FAM78A: variants seen among roughly 807,000 people sequenced by gnomAD.
The protein encoded by FAM78A is family with sequence similarity 78 member A.
A neutral mutation model predicts 22.6 loss-of-function variants in FAM78A; 12 were observed. The observed-to-expected ratio is 0.53, with a 90% CI of 0.34 to 0.86. The LOEUF (loss-of-function observed/expected upper bound fraction) is 0.86. Ranked by LOEUF, FAM78A falls within the 40% of genes least tolerant of loss-of-function variation. The pLI, the probability that FAM78A is intolerant of heterozygous loss-of-function variation, is 0.02. For missense variants in FAM78A, 322 were observed against 396.1 expected (o/e 0.81, Z 1.59); for synonymous variants, 151 against 155.8 (o/e 0.97, Z 0.23).
At position 131,260,025 on chromosome 9, in the gene FAM78A, T is replaced by A. The variant is rs1588195356; in HGVS notation, c.*797A>T. 1.3e-5 allele frequency: 2 copies of A among 152,746 alleles called. No individual in the cohort carries two copies. Among genetic ancestry groups the A allele is most frequent in the Admixed American group, 6.5e-5 (1 of 15,298 alleles). 9.5% of individuals were successfully genotyped at this position (152,746 alleles called of 1,614,324 possible). ...ACCCCCCGCCAGAGCTCACAGCCCC[T>A]CTCCGCAGGTGCAGGGATACGACCT... is the stretch of plus-strand genomic sequence containing the variant. On this transcript the variant is annotated 3_prime_UTR_variant, in exon 2 of 2. Transcript: ENST00000372271. The surrounding 1 kb of genome is among the most constrained non-coding windows in gnomAD (Gnocchi z 5.4).
At position 131,261,251 on chromosome 9, in the gene FAM78A, G is replaced by C. The variant is rs760131990; in HGVS notation, c.423C>G (p.Thr141=). 6.2e-7 allele frequency: 1 copy of C among 1,612,688 alleles called. No homozygotes were observed. The highest frequency in any genetic ancestry group is 8.5e-7 in the Non-Finnish European group (1 of 1,179,990). The stretch of plus-strand genomic sequence containing the variant: ...TCTTGGTGGGGCCCACGATGGTGCA[G>C]GTCTCTGTGGTGTTGCCGTACCAGG... ...NYPWYGNTTE[T]CTIVGPTKRD... The change falls in exon 2 of 2, where the codon ACC becomes ACG. Residue 141 remains threonine (T), a synonymous_variant. Coordinates refer to ENST00000372271, the MANE Select transcript of FAM78A (RefSeq NM_033387.4). The surrounding 1 kb of genome is among the most constrained non-coding windows in gnomAD (Gnocchi z 7.1).
intron 1 of FAM78A, among the ~76,000 whole-genome samples, chr9:131,269,342 T>C (rs1038255061): frequency 1.3e-5 from 2 of 152,202 alleles, no homozygotes; most frequent in African/African-American, 4.8e-5. Context: ...ATTTCCCCAC[T>C]TGTCTTCATC....
At position 131,258,387 on chromosome 9, in the gene FAM78A, C is replaced by T. The variant is rs556197153; in HGVS notation, c.*2435G>A. On this transcript the variant is annotated 3_prime_UTR_variant, in exon 2 of 2. Transcript: ENST00000372271. ...CGGGGCTCAGCTGAGCGTCCGTGGC[C>T]GGACCTGCAGCCTCTCCAGGGTGTT... 2 of 152,124 alleles carry T rather than the reference C, an allele frequency of 1.3e-5. No individual in the cohort carries two copies. Among genetic ancestry groups the T allele is most frequent in the African/African-American group, 2.4e-5 (1 of 41,328 alleles). The allele number at this position is 152,124 out of a possible 1,614,324, so 9.4% of individuals were successfully genotyped here.
At position 131,259,296 on chromosome 9, in the gene FAM78A, G is replaced by C. The variant is rs1440356747; in HGVS notation, c.*1526C>G. On this transcript the variant is annotated 3_prime_UTR_variant, in exon 2 of 2. Coordinates refer to ENST00000372271, the MANE Select transcript of FAM78A (RefSeq NM_033387.4). ...CCCTGGCACAATGGGTCAGGACTAA[G>C]TAAGCCCTGGAGCTCCAGTGACCTG... 6.6e-6 allele frequency: 1 copy of C among 152,472 alleles called. No individual in the cohort carries two copies. Among genetic ancestry groups the C allele is most frequent in the African/African-American group, 2.4e-5 (1 of 41,454 alleles). 9.4% of individuals were successfully genotyped at this position (152,472 alleles called of 1,614,324 possible).
chr9:131,274,632 T>C lies in FAM78A; in HGVS notation c.323+1225A>G, dbSNP rs1041557266. On this transcript the variant is annotated intron_variant, in intron 1 of 1. Coordinates refer to ENST00000372271, the MANE Select transcript of FAM78A (RefSeq NM_033387.4). The surrounding 1 kb of genome is among the most constrained non-coding windows in gnomAD (Gnocchi z 4.2). ...GATCCTCATGTTTCCTTTAGAACTTTGGAGTCATTAAGTAGAGAAGCCACC... is the reference window on the plus strand; with the variant it reads ...GATCCTCATGTTTCCTTTAGAACTTCGGAGTCATTAAGTAGAGAAGCCACC... Among the ~76,000 whole-genome samples, 3 of 152,342 alleles carry C rather than the reference T, an allele frequency of 2.0e-5. No homozygotes were observed. The highest frequency in any genetic ancestry group is 3.9e-4 in the East Asian group (2 of 5,194).
chr9:131,278,992 C>A (rs1203110269), upstream of FAM78A, among the ~76,000 whole-genome samples: 1 of 152,248 alleles, frequency 6.6e-6, no homozygotes, highest in Non-Finnish European at 1.5e-5. Flanking sequence ...CAGGACATCT[C>A]ACAGCAGCAC....
chr9:131,269,461 G>C (rs925761550), intron 1 of FAM78A, among the ~76,000 whole-genome samples: 12 of 151,936 alleles, frequency 7.9e-5, no homozygotes, highest in African/African-American at 2.9e-4. Context: ...AGCCGTGCTG[G>C]AGTTAACATC....
chr9:131,270,033 A>T (rs1334032587), intron 1 of FAM78A, among the ~76,000 whole-genome samples: 54 of 110,122 alleles, frequency 4.9e-4, no homozygotes, highest in African/African-American at 1.6e-3. Context: ...CATCCCTACT[A>T]AAATAAAAAA....
At position 131,261,084 on chromosome 9, in the gene FAM78A, TTGG is replaced by T; in HGVS notation, c.587_589del (p.Thr196del). On this transcript the variant is annotated inframe_deletion, in exon 2 of 2. Transcript: ENST00000372271. The surrounding 1 kb of genome is among the most constrained non-coding windows in gnomAD (Gnocchi z 7.1). ...GATGATCATGTCGTTGGTGGAGGTG[TTGG>T]TGGCCACCAGCCAGGTGGTGAAGCT... 1.2e-6 allele frequency: 2 copies of T among 1,614,148 alleles called. No individual in the cohort carries two copies. The highest frequency in any genetic ancestry group is 1.7e-6 in the Non-Finnish European group (2 of 1,180,020).
intron 1 of FAM78A, among the ~76,000 whole-genome samples, chr9:131,267,232 T>C (rs537225230): frequency 6.6e-6 from 1 of 152,274 alleles, no homozygotes; most frequent in Admixed American, 6.5e-5. Context: ...GCTGTTGAGA[T>C]GAGCCACCGT....
rs1165260502 is a variant in FAM78A, at chr9:131,270,540, G to C, written c.323+5317C>G. On this transcript the variant is annotated intron_variant, in intron 1 of 1. Transcript: ENST00000372271. ...CCCTTGGCCAGGGCTGGTCCTGGGG[G>C]AGCTCTCTTTAGGCTGGGTCATCCC... is the stretch of plus-strand genomic sequence containing the variant. 1.7e-5 allele frequency: 12 copies of C among 714,880 alleles called. No individual in the cohort carries two copies. In the Admixed American group the frequency reaches 2.4e-4, roughly 14 times the overall value. 44.3% of individuals were successfully genotyped at this position (714,880 alleles called of 1,614,324 possible).
At chr9:131,270,731 C>T (rs1835408509) in intron 1 of FAM78A, among the ~76,000 whole-genome samples, 1 of 152,216 alleles carries the variant, frequency 6.6e-6, no homozygotes, top group African/African-American at 2.4e-5. Context: ...CAGACCCCGG[C>T]TTCAGGAAGA....
intron 1 of FAM78A, among the ~76,000 whole-genome samples, chr9:131,270,037 T>TA (rs1008374603): frequency 0.51 from 44,235 of 86,530 alleles, 10,050 homozygotes; most frequent in Middle Eastern, 0.59. Context: ...CCTACTAAAA[T>TA]AAAAAAAAAA....
At position 131,270,178 on chromosome 9, in the gene FAM78A, C is replaced by T. The variant is rs1835399696; in HGVS notation, c.323+5679G>A. ...CCAAGATCATGCCACTGCACTCCAG[C>T]CTGGGTGACAAGAGTGAAACTGCAT... On this transcript the variant is annotated intron_variant, in intron 1 of 1. Coordinates refer to ENST00000372271, the MANE Select transcript of FAM78A (RefSeq NM_033387.4). 4.4e-6 allele frequency: 3 copies of T among 683,186 alleles called. No homozygotes were observed. In the East Asian group the frequency reaches 8.1e-5, roughly 19 times the overall value. 42.3% of individuals were successfully genotyped at this position (683,186 alleles called of 1,614,324 possible). A position where few individuals can be genotyped will look rare whatever the true frequency, so the allele number is the denominator to read the frequency against.
At chr9:131,263,602 T>TA (rs750504740) in intron 1 of FAM78A, 672 of 157,800 alleles carry the variant, frequency 4.3e-3, no homozygotes, top group South Asian at 0.017. Flanking sequence ...GACCCTGTCT[T>TA]AAAAAAAAAA....
At chr9:131,271,662 C>A (rs1289956907) in intron 1 of FAM78A, among the ~76,000 whole-genome samples, 2 of 152,244 alleles carry the variant, frequency 1.3e-5, no homozygotes, top group African/African-American at 2.4e-5. Context: ...TGCCCTTTGG[C>A]AGAATCCTGA....
In FAM78A at chr9:131,276,146, G is replaced by A. The variant is rs1835481385; in HGVS notation, c.34C>T (p.Leu12=). The part of the protein sequence containing the change: ...PGFFCDCWPS[L]EIRALLYAMG... ...GCATACAGGAGCGCTCTGATCTCCA[G>A]GGAAGGCCAGCAGTCACAGAAAAAA... The change falls in exon 1 of 2, where the codon CTG becomes TTG. Residue 12 remains leucine, a synonymous_variant. Coordinates refer to ENST00000372271, the MANE Select transcript of FAM78A (RefSeq NM_033387.4). The surrounding 1 kb of genome is among the most constrained non-coding windows in gnomAD (Gnocchi z 4.3). The A allele has an allele frequency of 1.9e-6, 3 of 1,613,166 alleles. No individual in the cohort carries two copies. The highest frequency in any genetic ancestry group is 2.2e-5 in the East Asian group (1 of 44,882).
At chr9:131,267,338 G>C (rs549662872) in intron 1 of FAM78A, among the ~76,000 whole-genome samples, 1 of 152,302 alleles carries the variant, frequency 6.6e-6, no homozygotes, top group South Asian at 2.1e-4. Flanking sequence ...AGACCAGCCA[G>C]GGCATCAAAG....
chr9:131,279,963 C>G (rs116781335), upstream of FAM78A, among the ~76,000 whole-genome samples: 771 of 152,318 alleles, frequency 5.1e-3, 12 homozygotes, highest in African/African-American at 0.018. Flanking sequence ...CCCCTCAGAA[C>G]TAGGATGGGA....
Sources: allele counts gnomAD v4.1 joint callset (sites outside exome capture counted in the v4.1 genomes callset), GRCh38; gene constraint gnomAD v4.1.1; non-coding constraint Gnocchi (gnomAD v3.1); transcripts MANE v1.5; gene names NCBI Gene and HGNC (gene_info 2026-07-23, HGNC 2026-07-21).